STK31: variants seen among roughly 807,000 people sequenced by gnomAD.
The protein encoded by STK31 is serine/threonine-protein kinase 31.
STK31 carries 89 observed loss-of-function variants against 129.7 expected under a neutral mutation model. That is an observed-to-expected ratio of 0.69 (90% CI 0.58 to 0.82). The LOEUF (loss-of-function observed/expected upper bound fraction) is 0.82, where lower values mean the gene tolerates loss of function less well. Among genes scored for constraint, STK31 ranks in the 40% least tolerant of loss-of-function variants. The probability of loss-of-function intolerance (pLI) is 0.00; values close to 1 mark genes in which losing one functional copy is unlikely to be tolerated. For synonymous variants in STK31, 448 were observed against 395.3 expected (o/e 1.13, Z -1.58); for missense variants, 1,187 against 1,176.4 (o/e 1.01, Z -0.13).
Position 23,712,424 on chromosome 7 carries a change from G to C in STK31, c.150+138G>C, listed in dbSNP as rs1786030455. On this transcript the variant is annotated intron_variant, in intron 3 of 23. Coordinates refer to ENST00000355870, the MANE Select transcript of STK31 (RefSeq NM_031414.5). ...TATTTATTGAATTATTTATCACCAG[G>C]CATTATTAGGAGACAAATGTTGACA... 1.9e-5 allele frequency: 16 copies of C among 830,850 alleles called. No individual in the cohort carries two copies. The South Asian group carries it at 2.8e-4, about 14-fold the overall frequency. The allele number at this position is 830,850 out of a possible 1,614,324, so 51.5% of individuals were successfully genotyped here. A position where few individuals can be genotyped will look rare whatever the true frequency, so the allele number is the denominator to read the frequency against.
At chr7:23,811,427 A>G in intron 22 of STK31, 1 of 338,060 alleles carries the variant, frequency 3.0e-6, no homozygotes, top group Admixed American at 3.4e-5. Flanking sequence ...AGCTTGCTGC[A>G]AGTGATGGTT....
At chr7:23,745,942 C>A (rs559455954) in intron 8 of STK31, among the ~76,000 whole-genome samples, 1 of 152,274 alleles carries the variant, frequency 6.6e-6, no homozygotes, top group African/African-American at 2.4e-5. Flanking sequence ...TCAGGGCCAT[C>A]AAGATGTATG....
At chr7:23,788,933 A>C (rs1791459555) in intron 21 of STK31, among the ~76,000 whole-genome samples, 1 of 152,140 alleles carries the variant, frequency 6.6e-6, no homozygotes, top group South Asian at 2.1e-4. Flanking sequence ...CCCAAAAAGA[A>C]AATCCATACT....
chr7:23,749,641 C>T (rs1038427678), intron 8 of STK31, among the ~76,000 whole-genome samples: 2 of 151,976 alleles, frequency 1.3e-5, no homozygotes, highest in East Asian at 1.9e-4. Flanking sequence ...GCATTAGCCA[C>T]TGTGCCTAGC....
At chr7:23,725,747 A>G (rs1440579224) in intron 4 of STK31, 2 of 152,210 alleles carry the variant, frequency 1.3e-5, no homozygotes, top group African/African-American at 4.8e-5. Context: ...AGTGGCATGT[A>G]CTTCGCATGT....
At chr7:23,829,051 C>T (rs1178323070) in intron 23 of STK31, among the ~76,000 whole-genome samples, 1 of 151,958 alleles carries the variant, frequency 6.6e-6, no homozygotes, top group Non-Finnish European at 1.5e-5. Context: ...CAGGCGCCCG[C>T]CATGATGCCC....
intron 3 of STK31, among the ~76,000 whole-genome samples, chr7:23,716,496 C>T (rs1303942275): frequency 3.9e-5 from 6 of 152,094 alleles, no homozygotes; most frequent in African/African-American, 1.4e-4. Flanking sequence ...TTTTCACCCA[C>T]GAATTTTATT....
intron 22 of STK31, among the ~76,000 whole-genome samples, chr7:23,797,641 T>G (rs1255112862): frequency 1.3e-5 from 2 of 152,198 alleles, no homozygotes; most frequent in Non-Finnish European, 2.9e-5. Context: ...TAGCACTAAA[T>G]GCCCACAGGA....
intron 22 of STK31, among the ~76,000 whole-genome samples, chr7:23,811,907 C>G (rs1044127468): frequency 6.6e-6 from 1 of 152,120 alleles, no homozygotes; most frequent in South Asian, 2.1e-4. Context: ...ATTCTCCCCA[C>G]TTTTAAATAT....
intron 8 of STK31, among the ~76,000 whole-genome samples, chr7:23,746,210 A>G (rs920605816): frequency 6.6e-6 from 1 of 152,184 alleles, no homozygotes; most frequent in Non-Finnish European, 1.5e-5. Flanking sequence ...TGTATGGAGC[A>G]ATATACTTGT....
intron 11 of STK31, among the ~76,000 whole-genome samples, chr7:23,765,301 A>G (rs1789745803): frequency 6.6e-6 from 1 of 151,938 alleles, no homozygotes; most frequent in African/African-American, 2.4e-5. Context: ...CAGTCTACCC[A>G]CCTTGGCCTC....
chr7:23,753,221 A>G (rs12700462), intron 9 of STK31, among the ~76,000 whole-genome samples: 70,204 of 152,054 alleles, frequency 0.46, 16,669 homozygotes, highest in Admixed American at 0.55. Flanking sequence ...AAGAAAATCA[A>G]TTCCTAGCTG....
rs533761434 is a variant in STK31 at position 23,730,857 on chromosome 7, T to C, written c.483+1608T>C. On this transcript the variant is annotated intron_variant, in intron 6 of 23. Transcript: ENST00000355870. ...ATATATGGTACTGTATATAAACATT[T>C]ATATATATATATATATATATATTTT... is the stretch of plus-strand genomic sequence containing the variant. Among the ~76,000 whole-genome samples, 36 of 53,786 alleles carry C rather than the reference T, an allele frequency of 6.7e-4. 1 individual carries two copies. In the East Asian group the frequency reaches 0.031, roughly 46 times the overall value. 35.3% of individuals were successfully genotyped at this position (53,786 alleles called of 152,430 possible). A position where few individuals can be genotyped will look rare whatever the true frequency, so the allele number is the denominator to read the frequency against.
At chr7:23,812,906 T>C (rs1390434670) in intron 22 of STK31, among the ~76,000 whole-genome samples, 1 of 152,188 alleles carries the variant, frequency 6.6e-6, no homozygotes, top group East Asian at 1.9e-4. Context: ...TATGTATGTA[T>C]GTGTATATGT....
intron 20 of STK31, 125 bp downstream of exon 20, chr7:23,787,049 A>G (rs1228898402): frequency 2.4e-6 from 2 of 836,680 alleles, no homozygotes; most frequent in Non-Finnish European, 3.8e-6. Context: ...TCTATTTGTC[A>G]CCTCAAGCCT....
intron 3 of STK31, among the ~76,000 whole-genome samples, chr7:23,713,277 G>C (rs1367266607): frequency 6.6e-6 from 1 of 152,136 alleles, no homozygotes; most frequent in African/African-American, 2.4e-5. Context: ...TGAAGGTACA[G>C]TAAAAACATA....
intron 8 of STK31, among the ~76,000 whole-genome samples, chr7:23,750,477 G>C (rs894683928): frequency 9.2e-5 from 14 of 151,996 alleles, no homozygotes; most frequent in Non-Finnish European, 1.6e-4. Flanking sequence ...TGACTTCCAG[G>C]CTCCTTACAT....
chr7:23,724,018 T>C (rs539051769), intron 4 of STK31, among the ~76,000 whole-genome samples: 2 of 152,166 alleles, frequency 1.3e-5, no homozygotes, highest in Admixed American at 1.3e-4. Context: ...GGAACTCAAA[T>C]GCAGTAATTC....
intron 8 of STK31, among the ~76,000 whole-genome samples, chr7:23,749,949 AG>A (rs1788601265): frequency 6.6e-6 from 1 of 151,564 alleles, no homozygotes; most frequent in African/African-American, 2.4e-5. Context: ...TCCATCCCCC[AG>A]GTCAGTTAGG....
Sources: gnomAD v4.1 joint callset for allele counts (sites outside exome capture counted in the v4.1 genomes callset) on GRCh38, gnomAD v4.1.1 for gene constraint, MANE v1.5 for transcripts, NCBI Gene and HGNC (gene_info 2026-07-23, HGNC 2026-07-21) for gene names.